The following NKAIN2 variants were observed in gnomAD, a reference collection of about 807,000 sequenced individuals.
NKAIN2 encodes the protein sodium/potassium transporting ATPase interacting 2.
Under a neutral mutation model 32.6 loss-of-function variants are expected in NKAIN2, and 14 were observed. That is an observed-to-expected ratio of 0.43 (90% confidence interval 0.28 to 0.67). The LOEUF (loss-of-function observed/expected upper bound fraction) is 0.67. Among genes scored for constraint, NKAIN2 ranks in the 30% least tolerant of loss-of-function variants. The pLI is 0.17. For synonymous variants in NKAIN2, 80 were observed against 87.2 expected (o/e 0.92, Z 0.46); for missense variants, 198 against 258.3 (o/e 0.77, Z 1.60).
intron 1 of NKAIN2, among the ~76,000 whole-genome samples, chr6:124,006,503 A>G (rs901852065): frequency 6.6e-6 from 1 of 152,214 alleles, no homozygotes; most frequent in African/African-American, 2.4e-5. Flanking sequence ...TGTGACATAA[A>G]TGTTTCAGGG....
At chr6:123,988,317 C>A (rs989119460) in intron 1 of NKAIN2, among the ~76,000 whole-genome samples, 1 of 151,936 alleles carries the variant, frequency 6.6e-6, no homozygotes, top group Non-Finnish European at 1.5e-5. Flanking sequence ...AAGACATGAA[C>A]AAAAATAAGT....
chr6:124,542,597 C>G (rs1427972417), intron 3 of NKAIN2, among the ~76,000 whole-genome samples: 1 of 152,096 alleles, frequency 6.6e-6, no homozygotes, highest in African/African-American at 2.4e-5. Context: ...CAAGGTACAG[C>G]TTTAAGTTTA....
chr6:124,226,739 C>G (rs1014801700), intron 1 of NKAIN2, among the ~76,000 whole-genome samples: 1 of 152,070 alleles, frequency 6.6e-6, no homozygotes, highest in Non-Finnish European at 1.5e-5. Flanking sequence ...TTTTTGACCA[C>G]AAGAATGTGC....
At position 124,074,247 on chromosome 6, in the gene NKAIN2, G is replaced by A. The variant is rs902188662; in HGVS notation, c.55-208758G>A. On this transcript the variant is annotated intron_variant, in intron 1 of 6. Coordinates refer to ENST00000368417, the MANE Select transcript of NKAIN2 (RefSeq NM_001040214.3). ...TTTTTAAATTTAGAGCTGGTCACCC[G>A]ACACCTTCTGCCTGGCATGTACCAG... is the stretch of plus-strand genomic sequence containing the variant. Among the ~76,000 whole-genome samples the A allele has an allele frequency of 1.4e-4, 22 of 152,104 alleles. 1 individual carries two copies. Among genetic ancestry groups the A allele is most frequent in the Non-Finnish European group, 1.8e-4 (12 of 68,020 alleles).
At chr6:124,453,353 A>ACACACG (rs1554210260) in intron 3 of NKAIN2, among the ~76,000 whole-genome samples, 24 of 136,126 alleles carry the variant, frequency 1.8e-4, no homozygotes, top group Admixed American at 3.3e-4. Flanking sequence ...ACACACACAC[A>ACACACG]CACACACACA....
At chr6:124,491,400 T>C (rs908604971) in intron 3 of NKAIN2, among the ~76,000 whole-genome samples, 2 of 151,966 alleles carry the variant, frequency 1.3e-5, no homozygotes, top group Non-Finnish European at 2.9e-5. Flanking sequence ...ATTTCAATTC[T>C]CTGATTATTA....
rs62431163 is a variant in NKAIN2, at chr6:124,789,908, C to T, written c.475-1431C>T. ...ATCAGTGGTATTTATTTTTGACTCT[C>T]TAAGATGTGTACTGGTACAGATACT... On this transcript the variant is annotated intron_variant, in intron 4 of 6. Coordinates refer to ENST00000368417, the MANE Select transcript of NKAIN2 (RefSeq NM_001040214.3). 4.7e-3 allele frequency among the ~76,000 whole-genome samples: 709 copies of T among 152,090 alleles called. 4 individuals are homozygous for T. The highest frequency in any genetic ancestry group is 8.2e-3 in the Non-Finnish European group (560 of 67,968).
At chr6:124,026,903 T>C in intron 1 of NKAIN2, among the ~76,000 whole-genome samples, 1 of 152,146 alleles carries the variant, frequency 6.6e-6, no homozygotes, top group Non-Finnish European at 1.5e-5. Context: ...CATTGTGGTC[T>C]AGTGTGTGTC....
intron 4 of NKAIN2, among the ~76,000 whole-genome samples, chr6:124,763,958 A>T (rs1778387369): frequency 6.6e-6 from 1 of 152,188 alleles, no homozygotes; most frequent in Non-Finnish European, 1.5e-5. Flanking sequence ...TTTCATATAC[A>T]TATTCTTAAG....
intron 3 of NKAIN2, among the ~76,000 whole-genome samples, chr6:124,454,430 G>T (rs1776243936): frequency 6.6e-6 from 1 of 151,862 alleles, no homozygotes; most frequent in South Asian, 2.1e-4. Flanking sequence ...CTGTAGTTGT[G>T]CTCTAAAATA....
intron 1 of NKAIN2, among the ~76,000 whole-genome samples, chr6:124,242,260 A>T (rs1451834053): frequency 6.6e-6 from 1 of 152,224 alleles, no homozygotes; most frequent in Non-Finnish European, 1.5e-5. Context: ...TCTCAAAAGA[A>T]GACATTTATA....
chr6:124,441,414 C>T (rs1208789877), intron 3 of NKAIN2, among the ~76,000 whole-genome samples: 1 of 152,050 alleles, frequency 6.6e-6, no homozygotes, highest in Non-Finnish European at 1.5e-5. Flanking sequence ...TAGCTTTAGT[C>T]ATCTGCTTTT....
intron 3 of NKAIN2, among the ~76,000 whole-genome samples, chr6:124,561,750 C>T (rs544547134): frequency 6.6e-6 from 1 of 152,108 alleles, no homozygotes; most frequent in Admixed American, 6.6e-5. Context: ...AGAAGACCAG[C>T]CTTATACTGT....
intron 4 of NKAIN2, among the ~76,000 whole-genome samples, chr6:124,760,616 A>G (rs72977777): frequency 0.17 from 26,523 of 151,584 alleles, 2,416 homozygotes; most frequent in East Asian, 0.25. Flanking sequence ...GCTGTTTAGG[A>G]GTTTGGTATT....
chr6:124,320,697 A>G (rs1403230839), intron 2 of NKAIN2, among the ~76,000 whole-genome samples: 1 of 152,234 alleles, frequency 6.6e-6, no homozygotes, highest in Non-Finnish European at 1.5e-5. Context: ...CATGGCAAGA[A>G]TGTAGCAAAA....
chr6:124,734,748 A>G (rs974272876), intron 4 of NKAIN2, among the ~76,000 whole-genome samples: 2 of 151,896 alleles, frequency 1.3e-5, no homozygotes, highest in African/African-American at 4.8e-5. Flanking sequence ...GTAACATTCC[A>G]TAAATGTTTA....
chr6:124,807,326 T>G (rs548940823), intron 5 of NKAIN2, among the ~76,000 whole-genome samples: 3,617 of 151,384 alleles, frequency 0.024, 57 homozygotes, highest in Middle Eastern at 0.082. Context: ...GAACTCAGGA[T>G]TAAGAAACTC....
At chr6:124,522,565 T>C (rs1377415241) in intron 3 of NKAIN2, among the ~76,000 whole-genome samples, 1 of 152,174 alleles carries the variant, frequency 6.6e-6, no homozygotes, top group Non-Finnish European at 1.5e-5. Flanking sequence ...GCTTATTGTG[T>C]CACCCACTTA....
chr6:124,612,257 T>A (rs1230719105), intron 3 of NKAIN2, among the ~76,000 whole-genome samples: 1 of 151,324 alleles, frequency 6.6e-6, no homozygotes, highest in Non-Finnish European at 1.5e-5. Flanking sequence ...GAAAAAAAAA[T>A]AAAAACTGCT....
Sources: gnomAD v4.1 joint callset for allele counts (sites outside exome capture counted in the v4.1 genomes callset) on GRCh38, gnomAD v4.1.1 for gene constraint, MANE v1.5 for transcripts, NCBI Gene and HGNC (gene_info 2026-07-23, HGNC 2026-07-21) for gene names.